Variants in EBF3 observed in about 807,000 individuals in gnomAD.
EBF3 encodes the protein EBF transcription factor 3, also known as transcription factor COE3.
Under a neutral mutation model 77.1 loss-of-function variants are expected in EBF3, and 18 were observed. The observed-to-expected ratio is 0.23, with a 90% CI of 0.16 to 0.35. EBF3 has a LOEUF of 0.35. Ranked by LOEUF, EBF3 falls within the 10% of genes least tolerant of loss-of-function variation. EBF3 has a pLI of 1.00. For synonymous variants in EBF3, 350 were observed against 343.5 expected, an observed-to-expected ratio of 1.02 and a Z score of -0.21; for missense variants, 558 against 860.0, an observed-to-expected ratio of 0.65 and a Z score of 4.39.
At chr10:129,862,054 C>G (rs561265146) in intron 10 of EBF3, among the ~76,000 whole-genome samples, 6 of 152,270 alleles carry the variant, frequency 3.9e-5, no homozygotes, top group Non-Finnish European at 8.8e-5. Context: ...GGACACCCGC[C>G]AGGAGACACG....
chr10:129,913,845 TCTCATCTA>T (rs1446595517), intron 6 of EBF3, among the ~76,000 whole-genome samples: 4 of 151,734 alleles, frequency 2.6e-5, no homozygotes, highest in Non-Finnish European at 4.4e-5. Flanking sequence ...CTTCTCATCT[TCTCATCTA>T]AATCCCAGAC....
At chr10:129,941,997 C>T (rs1314940055) in intron 6 of EBF3, among the ~76,000 whole-genome samples, 1 of 152,118 alleles carries the variant, frequency 6.6e-6, no homozygotes, top group Admixed American at 6.5e-5. Context: ...GAATGGAGCC[C>T]CCCCACCCCA....
chr10:129,843,213 A>G lies in EBF3; in HGVS notation c.1129-11T>C, dbSNP rs373670730. 4 of 1,606,864 alleles carry G rather than the reference A, an allele frequency of 2.5e-6. No homozygotes were observed. The African/African-American group carries it at 5.3e-5, about 21-fold the overall frequency. On this transcript the variant is annotated splice_polypyrimidine_tract_variant and intron_variant, in intron 11 of 16. Transcript: ENST00000440978. ...CTTCAGTAACACCTCCTAAAGGAAG[A>G]GCAGACAGGAGGTGATTCATGGGAG...
chr10:129,957,424 T>A, intron 5 of EBF3, 98 bp from the exon 6 acceptor site: 2 of 1,007,962 alleles, frequency 2.0e-6, no homozygotes, highest in Non-Finnish European at 2.9e-6. Flanking sequence ...AATGAAGCGG[T>A]AGGAGTCAAC....
At chr10:129,959,042 G>C (rs369626950) in intron 4 of EBF3, 35 bp from the exon 5 acceptor site, 2 of 1,595,924 alleles carry the variant, frequency 1.3e-6, no homozygotes, top group South Asian at 2.2e-5. Flanking sequence ...GGGGTTACGC[G>C]GCGCCCGCGG....
Position 129,840,454 on chromosome 10 carries a change from C to T in EBF3, c.1562-12G>A. 6.5e-7 allele frequency: 1 copy of T among 1,547,704 alleles called. No individual in the cohort carries two copies. The highest frequency in any genetic ancestry group is 8.7e-7 in the Non-Finnish European group (1 of 1,144,254). ...GCTGGACGGCACTACTGCAACAAAGCAAACACGGTCAGCACGCGCGGCCGC... is the reference window on the plus strand; with the variant it reads ...GCTGGACGGCACTACTGCAACAAAGTAAACACGGTCAGCACGCGCGGCCGC... On this transcript the variant is annotated splice_polypyrimidine_tract_variant and intron_variant, in intron 14 of 16. Coordinates refer to ENST00000440978, the MANE Select transcript of EBF3 (RefSeq NM_001375380.1).
Position 129,861,675 on chromosome 10 carries a change from C to A in EBF3, c.1039+5466G>T, listed in dbSNP as rs1386636995. On this transcript the variant is annotated intron_variant, in intron 10 of 16. Transcript: ENST00000440978. This position sits in a 1 kb window ranked among gnomAD's most constrained non-coding sequence, Gnocchi z 4.3. ...GCAGACAGGAACGAACAGTCAGCCA[C>A]GGGGGGCCCCTGGCCACACCACGGG... Among the ~76,000 whole-genome samples the A allele has an allele frequency of 6.6e-6, 1 of 152,054 alleles. No individual in the cohort carries two copies. The highest frequency in any genetic ancestry group is 6.6e-5 in the Admixed American group (1 of 15,264).
intron 7 of EBF3, among the ~76,000 whole-genome samples, chr10:129,876,887 C>T (rs1355265092): frequency 2.1e-4 from 2 of 9,616 alleles, no homozygotes; most frequent in African/African-American, 5.4e-4. Context: ...ATCCCTGAAC[C>T]CCCCCCCCCC....
chr10:129,877,846 G>C lies in EBF3; in HGVS notation c.558C>G (p.Phe186Leu), dbSNP rs1564848868. The C allele has an allele frequency of 6.2e-7, 1 of 1,609,852 alleles. No homozygotes were observed. The highest frequency in any genetic ancestry group is 1.7e-5 in the Admixed American group (1 of 59,734). ...TPSDPVIIDR[F>L]FLKFFLKCNQ... is the part of the protein sequence containing the mutation. The stretch of plus-strand genomic sequence containing the variant: ...TGCACTTGAGGAAAAACTTTAGAAA[G>C]AATCTATAAAAAATACAAAAAGATG... The change falls in exon 7 of 17, where the codon TTC becomes TTG. Residue 186 changes from phenylalanine (F) to leucine (L), a missense_variant. Phe to Leu is a conservative substitution (Grantham distance 22, BLOSUM62 0). This residue lies in a region of EBF3 where 14 missense variants were observed against 87.3 expected (regional missense o/e 0.16). Transcript: ENST00000440978.
chr10:129,903,468 A>G (rs1427192296), intron 6 of EBF3, among the ~76,000 whole-genome samples: 1 of 152,232 alleles, frequency 6.6e-6, no homozygotes, highest in Admixed American at 6.5e-5. Context: ...ATTTATGAAG[A>G]AAGAGATTAC....
intron 6 of EBF3, among the ~76,000 whole-genome samples, chr10:129,899,007 T>C (rs1180527048): frequency 1.3e-5 from 2 of 152,174 alleles, no homozygotes; most frequent in East Asian, 1.9e-4. Context: ...TCCACACGGC[T>C]ACACGTCGGA....
intron 6 of EBF3, among the ~76,000 whole-genome samples, chr10:129,941,838 C>T (rs1857765058): frequency 6.6e-6 from 1 of 152,036 alleles, no homozygotes; most frequent in African/African-American, 2.4e-5. Flanking sequence ...TCTGCAGAGG[C>T]CAAAACTGCC....
At chr10:129,900,006 C>A (rs984365845) in intron 6 of EBF3, among the ~76,000 whole-genome samples, 4 of 152,326 alleles carry the variant, frequency 2.6e-5, no homozygotes, top group Non-Finnish European at 5.9e-5. Flanking sequence ...GATATGAATT[C>A]CTCAAGAGAA....
intron 7 of EBF3, 131 bp downstream of exon 7, chr10:129,877,637 G>A: frequency 1.5e-6 from 1 of 680,016 alleles, no homozygotes; most frequent in Non-Finnish European, 2.5e-6. Context: ...TTTATCAAAT[G>A]CACCAATTCC....
intron 6 of EBF3, among the ~76,000 whole-genome samples, chr10:129,946,213 G>A (rs1225680140): frequency 1.3e-5 from 2 of 152,204 alleles, no homozygotes; most frequent in African/African-American, 2.4e-5. Flanking sequence ...CCGCCCTGGC[G>A]ACTGGTCAAC....
chr10:129,900,350 A>G (rs1197391715), intron 6 of EBF3, among the ~76,000 whole-genome samples: 2 of 152,186 alleles, frequency 1.3e-5, no homozygotes, highest in African/African-American at 4.8e-5. Flanking sequence ...GGATGCAAAG[A>G]GAAACGCAGA....
chr10:129,962,895 G>A (rs1195381733), intron 3 of EBF3, 47 bp downstream of exon 3: 1 of 1,608,904 alleles, frequency 6.2e-7, no homozygotes, highest in Admixed American at 1.7e-5. Context: ...GCGCAGAAAA[G>A]GAGAGCCAGC....
chr10:129,888,233 C>T (rs771744768), intron 6 of EBF3, among the ~76,000 whole-genome samples: 19 of 152,190 alleles, frequency 1.2e-4, no homozygotes, highest in Non-Finnish European at 2.2e-4. Context: ...GCCTTCTGGA[C>T]CTGAACCTCA....
intron 6 of EBF3, among the ~76,000 whole-genome samples, chr10:129,954,835 G>A (rs1367368489): frequency 6.6e-6 from 1 of 152,088 alleles, no homozygotes; most frequent in Non-Finnish European, 1.5e-5. Context: ...TCCCCAGTCT[G>A]GTGGGACATT....
Sources: gnomAD v4.1 joint callset for allele counts (sites outside exome capture counted in the v4.1 genomes callset) on GRCh38, gnomAD v4.1.1 for gene constraint, gnomAD v4.1.1 regional missense constraint, Gnocchi (gnomAD v3.1) non-coding constraint, MANE v1.5 for transcripts, NCBI Gene and HGNC (gene_info 2026-07-23, HGNC 2026-07-21) for gene names.